Variants in NEK10 observed in about 807,000 individuals in gnomAD.
NEK10 encodes the protein serine/threonine-protein kinase Nek10.
In NEK10, 122 loss-of-function variants were observed where a neutral mutation model predicts 159.8. The ratio of observed to expected loss-of-function variants is 0.76; its 90% confidence interval spans 0.66 to 0.89. The LOEUF is 0.89. Among genes scored for constraint, NEK10 ranks in the 40% least tolerant of loss-of-function variants. The pLI, the probability that NEK10 is intolerant of heterozygous loss-of-function variation, is 0.00. For synonymous variants in NEK10, 466 were observed against 457.1 expected (o/e 1.02, Z -0.25); for missense variants, 1,342 against 1,323.1 (o/e 1.01, Z -0.22).
chr3:27,330,361 G>A (rs966621282), intron 5 of NEK10, among the ~76,000 whole-genome samples: 3 of 152,034 alleles, frequency 2.0e-5, no homozygotes, highest in Admixed American at 2.0e-4. Context: ...TTGAGTAAAA[G>A]AGAGAAAAAA....
chr3:27,267,147 C>T (rs1195980352), intron 22 of NEK10, among the ~76,000 whole-genome samples: 1 of 152,172 alleles, frequency 6.6e-6, no homozygotes, highest in Non-Finnish European at 1.5e-5. Flanking sequence ...AAAACATGGT[C>T]ATCATTCCAG....
In NEK10 at chr3:27,297,187, C is replaced by T; in HGVS notation, c.1222G>A (p.Val408Met). Residue 408 changes from valine (V) to methionine (M), a missense_variant, in exon 14 of 36, where the codon GTG becomes ATG. Val to Met is a conservative substitution (Grantham distance 21). Transcript: ENST00000691995. ...LVLNDTNAHQ[V>M]VQENGVYTIA... is the part of the protein sequence containing the mutation. ...AGAAGGAGTGCTCTCACCTGAACCA[C>T]CTGGTGGGCATTGGTGTCATTGAGC... The T allele has an allele frequency of 2.5e-6, 4 of 1,612,338 alleles. No homozygotes were observed. Among genetic ancestry groups the T allele is most frequent in the East Asian group, 2.2e-5 (1 of 44,866 alleles).
intron 26 of NEK10, among the ~76,000 whole-genome samples, chr3:27,177,708 C>G (rs1311045689): frequency 6.6e-6 from 1 of 152,116 alleles, no homozygotes; most frequent in Non-Finnish European, 1.5e-5. Flanking sequence ...GTATCCAACT[C>G]TTTATAAAAT....
chr3:27,293,762 C>A, intron 15 of NEK10, 110 bp from the exon 16 acceptor site: 1 of 593,582 alleles, frequency 1.7e-6, no homozygotes, highest in South Asian at 2.5e-5. Flanking sequence ...TTGTAAGTGG[C>A]TGGTCCAAGT....
At position 27,291,546 on chromosome 3, in the gene NEK10, C is replaced by G. The variant is rs1350682745; in HGVS notation, c.1414G>C (p.Gly472Arg). 6.2e-7 allele frequency: 1 copy of G among 1,609,542 alleles called. No homozygotes were observed. The highest frequency in any genetic ancestry group is 1.7e-5 in the Admixed American group (1 of 59,992). ...GCACTGATATCACGTACATAATGCC[C>G]TATGTCAATGAAGATCTCAAACAAG... is the stretch of plus-strand genomic sequence containing the variant. ...TDLFEIFIDI[G>R]HYVRDISAYE... The change falls in exon 17 of 36, where the codon GGG becomes CGG. Residue 472 changes from glycine to arginine, a missense_variant. By Grantham distance (125) the Gly-to-Arg change is moderately radical (BLOSUM62 -2). Coordinates refer to ENST00000691995, the MANE Select transcript of NEK10 (RefSeq NM_001394966.1).
intron 5 of NEK10, among the ~76,000 whole-genome samples, chr3:27,340,566 CAAAAG>C (rs1400486215): frequency 6.6e-6 from 1 of 152,090 alleles, no homozygotes; most frequent in African/African-American, 2.4e-5. Flanking sequence ...TGGCAACTCT[CAAAAG>C]AAGACATACA....
At chr3:27,211,859 A>G (rs1159079995) in intron 23 of NEK10, among the ~76,000 whole-genome samples, 1 of 152,252 alleles carries the variant, frequency 6.6e-6, no homozygotes, top group East Asian at 1.9e-4. Flanking sequence ...GCCATGAAGA[A>G]AACAGACTAT....
chr3:27,349,839 C>T (rs908451534), intron 3 of NEK10, among the ~76,000 whole-genome samples: 5 of 152,148 alleles, frequency 3.3e-5, no homozygotes, highest in Admixed American at 3.3e-4. Context: ...TATTCTAAGC[C>T]TGCTCATCCT....
At chr3:27,367,965 G>A (rs2149928320) in intron 1 of NEK10, among the ~76,000 whole-genome samples, 1 of 152,274 alleles carries the variant, frequency 6.6e-6, no homozygotes, top group South Asian at 2.1e-4. Context: ...AGGACTTTAA[G>A]TAGGGAAGGG....
chr3:27,109,473 TA>T lies in NEK10; in HGVS notation c.*1798del, dbSNP rs1939310309. ...ATATACACTTTAAAACATCTTCAAG[TA>T]AACCATTTATCTTCCCTTACCACGG... On this transcript the variant is annotated 3_prime_UTR_variant, in exon 36 of 36. Transcript: ENST00000691995. 1.3e-5 allele frequency among the ~76,000 whole-genome samples: 2 copies of T among 151,820 alleles called. No individual in the cohort carries two copies. Among genetic ancestry groups the T allele is most frequent in the African/African-American group, 4.8e-5 (2 of 41,368 alleles).
At chr3:27,363,426 A>G (rs187119144) in intron 1 of NEK10, among the ~76,000 whole-genome samples, 252 of 152,332 alleles carry the variant, frequency 1.7e-3, no homozygotes, top group Non-Finnish European at 2.1e-3. Context: ...CAAAAGAGGG[A>G]TTTAATAAAT....
At chr3:27,179,318 A>T (rs1403826037) in intron 26 of NEK10, among the ~76,000 whole-genome samples, 1 of 152,196 alleles carries the variant, frequency 6.6e-6, no homozygotes, top group Non-Finnish European at 1.5e-5. Flanking sequence ...TTTTACTGTC[A>T]TGACATAGTT....
At chr3:27,322,063 A>T (rs1365364593) in intron 6 of NEK10, 114 bp downstream of exon 6, 3 of 609,952 alleles carry the variant, frequency 4.9e-6, no homozygotes, top group Non-Finnish European at 8.8e-6. Flanking sequence ...GAAGCTATTG[A>T]GTTGTGAGAG....
chr3:27,204,350 G>T (rs1345730604), intron 23 of NEK10, among the ~76,000 whole-genome samples: 1 of 84,484 alleles, frequency 1.2e-5, no homozygotes, highest in African/African-American at 4.5e-5. Context: ...GGGTACATGT[G>T]CACATTGTGC....
At chr3:27,296,146 C>G (rs2043338318) in intron 14 of NEK10, among the ~76,000 whole-genome samples, 2 of 151,658 alleles carry the variant, frequency 1.3e-5, no homozygotes, top group Admixed American at 6.6e-5. Flanking sequence ...GAAATATACA[C>G]ATGAAGGAAT....
intron 22 of NEK10, among the ~76,000 whole-genome samples, chr3:27,265,003 C>A (rs1026397181): frequency 2.0e-5 from 3 of 152,108 alleles, no homozygotes; most frequent in Admixed American, 6.5e-5. Context: ...AAACCATGAT[C>A]ATCTCAACAG....
At chr3:27,276,788 T>C (rs1362113323) in intron 22 of NEK10, among the ~76,000 whole-genome samples, 1 of 152,166 alleles carries the variant, frequency 6.6e-6, no homozygotes, top group Non-Finnish European at 1.5e-5. Flanking sequence ...CTTTTTCACA[T>C]TCTCTTCTCC....
intron 25 of NEK10, among the ~76,000 whole-genome samples, chr3:27,198,237 C>T (rs1261958246): frequency 1.3e-5 from 2 of 148,990 alleles, no homozygotes; most frequent in Non-Finnish European, 3.0e-5. Flanking sequence ...CTATTCTTAT[C>T]AAACTACCAG....
chr3:27,238,516 TTTTTA>T (rs1384768279), intron 23 of NEK10, among the ~76,000 whole-genome samples: 3 of 152,198 alleles, frequency 2.0e-5, no homozygotes, highest in African/African-American at 7.2e-5. Context: ...AGTTTTGTTG[TTTTTA>T]TTTTGTTATA....
Sources: allele counts gnomAD v4.1 joint callset (sites outside exome capture counted in the v4.1 genomes callset), GRCh38; gene constraint gnomAD v4.1.1; transcripts MANE v1.5; gene names NCBI Gene and HGNC (gene_info 2026-07-23, HGNC 2026-07-21).